Variants in INSRR observed in about 807,000 individuals in gnomAD.
The protein encoded by INSRR is insulin receptor related receptor, also known as insulin receptor-related protein.
In INSRR, 114 loss-of-function variants were observed where a neutral mutation model predicts 130.0. The ratio of observed to expected loss-of-function variants is 0.88; its 90% CI spans 0.75 to 1.02. INSRR has a LOEUF of 1.02. Among genes scored for constraint, INSRR ranks in the 50% least tolerant of loss-of-function variants. INSRR has a pLI of 0.00. For missense variants in INSRR, 1,657 were observed against 1,735.2 expected (o/e 0.95, Z 0.80); for synonymous variants, 674 against 705.2 (o/e 0.96, Z 0.70).
intron 1 of INSRR, 115 bp downstream of exon 1, chr1:156,858,422 C>T: frequency 2.5e-6 from 2 of 790,028 alleles, no homozygotes; most frequent in East Asian, 2.5e-5. Context: ...CTAACCCCAA[C>T]CCCCATGTTC....
At chr1:156,851,518 A>G (rs773733734) in intron 4 of INSRR, 84 bp from the exon 5 acceptor site, 2 of 1,599,310 alleles carry the variant, frequency 1.3e-6, no homozygotes, top group Non-Finnish European at 8.6e-7. Flanking sequence ...GGGCCCCGGG[A>G]AGGTGGGCCC....
chr1:156,843,091 C>G lies in INSRR; in HGVS notation c.3039G>C (p.Lys1013Asn), dbSNP rs1229283467. ...GTGGGCTGGCCAGCTCATTCACCGT[C>G]TTCAGGGCCACGGGTGTGGACTCCT... ...AGEESTPVAL[K>N]TVNELASPRE... The change falls in exon 17 of 22, where the codon AAG becomes AAC. Residue 1013 changes from lysine to asparagine, a missense_variant. Coordinates refer to ENST00000368195, the MANE Select transcript of INSRR (RefSeq NM_014215.3). 6.2e-7 allele frequency: 1 copy of G among 1,614,206 alleles called. No individual in the cohort carries two copies. The highest frequency in any genetic ancestry group is 1.7e-5 in the Admixed American group (1 of 60,028).
rs1211293853 is a variant in INSRR at position 156,846,000 on chromosome 1, G to A, written c.1930C>T (p.Arg644Trp). 5.6e-6 allele frequency: 9 copies of A among 1,614,026 alleles called. No homozygotes were observed. The highest frequency in any genetic ancestry group is 6.8e-6 in the Non-Finnish European group (8 of 1,179,988). The change falls in exon 9 of 22, where the codon CGG becomes TGG. Residue 644 changes from arginine (R) to tryptophan (W), a missense_variant. Coordinates refer to ENST00000368195, the MANE Select transcript of INSRR (RefSeq NM_014215.3). Reference protein sequence around the residue: ...NLTYYLVLWQRLAEDGDLYLN... With the variant: ...NLTYYLVLWQWLAEDGDLYLN... Reference sequence around the variant, plus strand: ...TAGAGGTCGCCGTCCTCTGCCAGCCGCTGCCACAGCACCAGGTAGTAGGTG... The same window carrying A: ...TAGAGGTCGCCGTCCTCTGCCAGCCACTGCCACAGCACCAGGTAGTAGGTG...
chr1:156,854,700 T>C lies in INSRR; in HGVS notation c.86-397A>G, dbSNP rs950609744. Among the ~76,000 whole-genome samples the C allele has an allele frequency of 6.6e-6, 1 of 152,192 alleles. No individual in the cohort carries two copies. The highest frequency in any genetic ancestry group is 2.4e-5 in the African/African-American group (1 of 41,446). On this transcript the variant is annotated intron_variant, in intron 1 of 21. Coordinates refer to ENST00000368195, the MANE Select transcript of INSRR (RefSeq NM_014215.3). This position sits in a 1 kb window ranked among gnomAD's most constrained non-coding sequence, Gnocchi z 4.2. ...TTATCTTTAAAATATGTCCAGGATC[T>C]GAACTGCTTGTCAACACCTTCACAG...
chr1:156,851,179 C>A, intron 5 of INSRR, 111 bp downstream of exon 5: 1 of 1,185,518 alleles, frequency 8.4e-7, no homozygotes, highest in Non-Finnish European at 1.3e-6. Flanking sequence ...TAGAGTCACA[C>A]GCCTAGTGAG....
Position 156,849,304 on chromosome 1 carries a change from C to G in INSRR, c.1386G>C (p.Thr462=), listed in dbSNP as rs770870603. 2.7e-5 allele frequency: 43 copies of G among 1,613,830 alleles called. No individual in the cohort carries two copies. Among genetic ancestry groups the G allele is most frequent in the Non-Finnish European group, 3.6e-5 (43 of 1,180,004 alleles). ...HIYRLEEVTG[T]RGRQNKAEIN... ...TCTCAGCCTTGTTCTGCCGACCTCG[C>G]GTGCCTGTCACCTCCTCCAGTCGGT... The change falls in exon 6 of 22, where the codon ACG becomes ACC. Residue 462 remains threonine, a synonymous_variant. Coordinates refer to ENST00000368195, the MANE Select transcript of INSRR (RefSeq NM_014215.3).
chr1:156,855,860 C>T (rs1259215629), intron 1 of INSRR, among the ~76,000 whole-genome samples: 1 of 151,970 alleles, frequency 6.6e-6, no homozygotes, highest in African/African-American at 2.4e-5. Flanking sequence ...AATTGTGACA[C>T]TTTCTACTCC....
intron 7 of INSRR, 39 bp from the exon 8 acceptor site, chr1:156,846,796 C>T: frequency 6.5e-7 from 1 of 1,545,220 alleles, no homozygotes. Flanking sequence ...TCATTCAACC[C>T]CACCCTCAAG....
At chr1:156,852,380 G>T (rs113373673) in intron 2 of INSRR, among the ~76,000 whole-genome samples, 189 bp from the exon 3 acceptor site, 2 of 152,260 alleles carry the variant, frequency 1.3e-5, no homozygotes, top group Non-Finnish European at 2.9e-5. Flanking sequence ...GACTGTGGCC[G>T]TCTGTGGCTC....
intron 16 of INSRR, 30 bp from the exon 17 acceptor site, chr1:156,843,263 G>A (rs1176626331): frequency 6.2e-7 from 1 of 1,604,682 alleles, no homozygotes; most frequent in Admixed American, 1.7e-5. Flanking sequence ...CACAAAGCGA[G>A]GATGCTGCTC....
chr1:156,851,891 C>T lies in INSRR; in HGVS notation c.938G>A (p.Ser313Asn). The T allele has an allele frequency of 6.3e-7, 1 of 1,581,698 alleles. No homozygotes were observed. The highest frequency in any genetic ancestry group is 8.6e-7 in the Non-Finnish European group (1 of 1,159,750). The part of the protein sequence containing the change: ...QCPSGFTRNS[S>N]SIFCHKCEGL... ...CCCCCACCCTCCCTACACTCACCTG[C>T]TGCTATTACGGGTGAAGCCAGAAGG... is the stretch of plus-strand genomic sequence containing the variant. The change falls in exon 3 of 22, where the codon AGC becomes AAC. Residue 313 changes from serine (S) to asparagine (N), a missense_variant. Coordinates refer to ENST00000368195, the MANE Select transcript of INSRR (RefSeq NM_014215.3).
Position 156,844,294 on chromosome 1 carries a change from G to A in INSRR, c.2738-14C>T. ...CATCCTCCTCCTCTGGCAGTCAGAGGGCAGCAGAGGGTAGAGTCAAAGATG... is the reference window on the plus strand; with the variant it reads ...CATCCTCCTCCTCTGGCAGTCAGAGAGCAGCAGAGGGTAGAGTCAAAGATG... On this transcript the variant is annotated splice_polypyrimidine_tract_variant and intron_variant, in intron 14 of 21. Transcript: ENST00000368195. 1 of 1,600,296 alleles carries A rather than the reference G, an allele frequency of 6.2e-7. No individual in the cohort carries two copies. Among genetic ancestry groups the A allele is most frequent in the South Asian group, 1.1e-5 (1 of 90,586 alleles).
chr1:156,851,100 A>G (rs147554767), intron 5 of INSRR, 190 bp downstream of exon 5: 1 of 694,568 alleles, frequency 1.4e-6, no homozygotes, highest in African/African-American at 1.8e-5. Context: ...CAGTCCTGAG[A>G]AGTAAGTAAT....
At chr1:156,849,935 C>G (rs1183757875) in intron 5 of INSRR, among the ~76,000 whole-genome samples, 2 of 151,478 alleles carry the variant, frequency 1.3e-5, no homozygotes, top group Non-Finnish European at 2.9e-5. Context: ...TTTTTCCTCA[C>G]TCTGTCATCC....
chr1:156,852,339 G>C (rs1356642975), intron 2 of INSRR, 148 bp from the exon 3 acceptor site: 1 of 777,542 alleles, frequency 1.3e-6, no homozygotes. Flanking sequence ...TGCCGACTCT[G>C]TTCCCCTCCG....
chr1:156,857,163 ATGTGTGTGTGTGTGTG>A lies in INSRR; in HGVS notation c.85+1358_85+1373del, dbSNP rs57324546. Among the ~76,000 whole-genome samples, 650 of 130,634 alleles carry A rather than the reference ATGTGTGTGTGTGTGTG, an allele frequency of 5.0e-3. 3 individuals are homozygous for A. The highest frequency in any genetic ancestry group is 7.1e-3 in the Non-Finnish European group (432 of 60,576). 85.7% of individuals were successfully genotyped at this position (130,634 alleles called of 152,430 possible). A position where few individuals can be genotyped will look rare whatever the true frequency, so the allele number is the denominator to read the frequency against. Reference sequence around the variant, plus strand: ...GCTTGGCTCTGCCCAGCAGCTGTGTATGTGTGTGTGTGTGTGTGTGTGTGTGTGTGTGTGTGTGTGT... The same window carrying A: ...GCTTGGCTCTGCCCAGCAGCTGTGTATGTGTGTGTGTGTGTGTGTGTGTGT... On this transcript the variant is annotated intron_variant, in intron 1 of 21. Coordinates refer to ENST00000368195, the MANE Select transcript of INSRR (RefSeq NM_014215.3).
intron 7 of INSRR, 68 bp from the exon 8 acceptor site, chr1:156,846,825 G>C: frequency 2.4e-6 from 3 of 1,259,616 alleles, no homozygotes; most frequent in Non-Finnish European, 3.5e-6. Flanking sequence ...CCCCCGCTCT[G>C]AATCACCCCA....
In INSRR at chr1:156,858,839, G is replaced by A; in HGVS notation, c.-218C>T. On this transcript the variant is annotated 5_prime_UTR_variant, in exon 1 of 22. Coordinates refer to ENST00000368195, the MANE Select transcript of INSRR (RefSeq NM_014215.3). ...AGACAGTGACAGGCAGTTGGAGACA[G>A]AGAGACTCAGCATGAGATTGAGAGA... 1.7e-6 allele frequency: 1 copy of A among 586,066 alleles called. No homozygotes were observed. The highest frequency in any genetic ancestry group is 3.1e-6 in the Non-Finnish European group (1 of 327,262). 36.3% of individuals were successfully genotyped at this position (586,066 alleles called of 1,614,324 possible). A position where few individuals can be genotyped will look rare whatever the true frequency, so the allele number is the denominator to read the frequency against.
intron 5 of INSRR, among the ~76,000 whole-genome samples, chr1:156,850,531 A>ATT (rs1655167936): frequency 5.2e-5 from 5 of 97,016 alleles, no homozygotes; most frequent in African/African-American, 1.9e-4. Flanking sequence ...AATTTAAAAC[A>ATT]TTCTTTTTTT....
Sources: gnomAD v4.1 joint callset for allele counts (sites outside exome capture counted in the v4.1 genomes callset) on GRCh38, gnomAD v4.1.1 for gene constraint, Gnocchi (gnomAD v3.1) non-coding constraint, MANE v1.5 for transcripts, NCBI Gene and HGNC (gene_info 2026-07-23, HGNC 2026-07-21) for gene names.